AKAP13: variants seen among roughly 807,000 people sequenced by gnomAD.
AKAP13 encodes A-kinase anchor protein 13.
A neutral mutation model predicts 264.5 loss-of-function variants in AKAP13; 80 were observed. The ratio of observed to expected loss-of-function variants is 0.30; its 90% CI spans 0.25 to 0.36. AKAP13 has a LOEUF of 0.36. AKAP13 is among the 10% of genes least tolerant of loss of function. AKAP13 has a pLI of 1.00. For synonymous variants in AKAP13, 1,380 were observed against 1,250.2 expected (o/e 1.10, Z -2.19); for missense variants, 3,712 against 3,435.2 (o/e 1.08, Z -2.01).
At chr15:85,591,350 T>C (rs888672332) in intron 8 of AKAP13, among the ~76,000 whole-genome samples, 5 of 152,216 alleles carry the variant, frequency 3.3e-5, no homozygotes, top group African/African-American at 1.2e-4. Flanking sequence ...TAATGCATGC[T>C]AAAATTCTAA....
chr15:85,542,470 G>A (rs1163756604), intron 4 of AKAP13, among the ~76,000 whole-genome samples: 1 of 152,198 alleles, frequency 6.6e-6, no homozygotes, highest in Non-Finnish European at 1.5e-5. Flanking sequence ...ATTCCTTTGT[G>A]ATATTCACGT....
intron 1 of AKAP13, among the ~76,000 whole-genome samples, chr15:85,470,074 G>A (rs1250209590): frequency 6.6e-6 from 1 of 152,196 alleles, no homozygotes; most frequent in African/African-American, 2.4e-5. Flanking sequence ...GATCACCTGA[G>A]GTCAGGAGTT....
intron 8 of AKAP13, among the ~76,000 whole-genome samples, chr15:85,612,351 C>T (rs1467642269): frequency 6.6e-6 from 1 of 152,022 alleles, no homozygotes; most frequent in Admixed American, 6.5e-5. Context: ...TAAAAATTAC[C>T]TCATAATAAA....
chr15:85,393,521 T>C (rs2150812126), intron 1 of AKAP13, among the ~76,000 whole-genome samples: 1 of 152,360 alleles, frequency 6.6e-6, no homozygotes, highest in East Asian at 1.9e-4. Context: ...ATGTCCAGTC[T>C]AGAGAGGTTT....
intron 2 of AKAP13, among the ~76,000 whole-genome samples, chr15:85,516,027 C>T (rs1328037451): frequency 3.3e-5 from 5 of 152,100 alleles, no homozygotes; most frequent in Non-Finnish European, 5.9e-5. Context: ...AATCAGAAAA[C>T]TCAGAAAAGC....
intron 1 of AKAP13, among the ~76,000 whole-genome samples, chr15:85,465,416 A>G (rs1481421699): frequency 5.3e-5 from 8 of 151,080 alleles, no homozygotes; most frequent in Admixed American, 4.6e-4. Flanking sequence ...TTAGTTACAT[A>G]TGTATACATG....
At chr15:85,639,234 T>G in intron 8 of AKAP13, 140 bp from the exon 9 acceptor site, 1 of 585,254 alleles carries the variant, frequency 1.7e-6, no homozygotes, top group Non-Finnish European at 3.0e-6. Flanking sequence ...AAAAAAAATT[T>G]TTTTCCCTTG....
At chr15:85,617,526 C>T (rs970508273) in intron 8 of AKAP13, among the ~76,000 whole-genome samples, 1 of 152,182 alleles carries the variant, frequency 6.6e-6, no homozygotes, top group East Asian at 1.9e-4. Flanking sequence ...AGGCGTGAGC[C>T]ACCGCGCCCA....
At chr15:85,671,473 G>C (rs917091635) in intron 14 of AKAP13, among the ~76,000 whole-genome samples, 1 of 139,286 alleles carries the variant, frequency 7.2e-6, no homozygotes, top group Non-Finnish European at 1.6e-5. Flanking sequence ...GAGAGAGAAA[G>C]ACATAATGGG....
chr15:85,595,621 A>G (rs945891166), intron 8 of AKAP13, among the ~76,000 whole-genome samples: 15 of 152,172 alleles, frequency 9.9e-5, no homozygotes, highest in Non-Finnish European at 2.2e-4. Context: ...CCTTGGTGAG[A>G]CCCATGTTGT....
At chr15:85,512,036 A>G (rs1251631697) in intron 2 of AKAP13, among the ~76,000 whole-genome samples, 2 of 151,456 alleles carry the variant, frequency 1.3e-5, no homozygotes, top group African/African-American at 2.4e-5. Flanking sequence ...TATATACCAC[A>G]TAAGACTGTC....
chr15:85,459,266 A>G (rs1011145268), intron 1 of AKAP13, among the ~76,000 whole-genome samples: 1 of 151,262 alleles, frequency 6.6e-6, no homozygotes, highest in Admixed American at 6.6e-5. Context: ...GCTCACTGCA[A>G]CCTCTGCCTT....
chr15:85,618,069 G>T (rs2081020298), intron 8 of AKAP13, among the ~76,000 whole-genome samples: 1 of 152,206 alleles, frequency 6.6e-6, no homozygotes. Flanking sequence ...GGATGAACCA[G>T]TGAGGAATAG....
chr15:85,561,344 C>A (rs2078371061), intron 5 of AKAP13, among the ~76,000 whole-genome samples: 1 of 152,216 alleles, frequency 6.6e-6, no homozygotes, highest in Non-Finnish European at 1.5e-5. Context: ...AGGCGTGAGC[C>A]ACCATGCCCA....
At chr15:85,527,157 G>A (rs959367918) in intron 3 of AKAP13, among the ~76,000 whole-genome samples, 1 of 152,046 alleles carries the variant, frequency 6.6e-6, no homozygotes, top group Non-Finnish European at 1.5e-5. Context: ...TAGAGACGGG[G>A]TTTCACCGTG....
At chr15:85,601,189 A>G (rs1254783067) in intron 8 of AKAP13, among the ~76,000 whole-genome samples, 2 of 152,234 alleles carry the variant, frequency 1.3e-5, no homozygotes, top group Non-Finnish European at 2.9e-5. Context: ...AGAGTTACTC[A>G]TGTCAGTTTA....
intron 1 of AKAP13, among the ~76,000 whole-genome samples, chr15:85,446,328 G>A (rs1883375762): frequency 6.6e-6 from 1 of 152,174 alleles, no homozygotes; most frequent in African/African-American, 2.4e-5. Context: ...GAGACAGTGT[G>A]GAGGTAAACG....
intron 1 of AKAP13, among the ~76,000 whole-genome samples, chr15:85,400,896 A>G (rs867694002): frequency 4.1e-4 from 61 of 149,450 alleles, no homozygotes; most frequent in Middle Eastern, 3.6e-3. Context: ...TAAACAGAGT[A>G]TGTTGCTCAG....
rs1468439241 is a variant in AKAP13 at position 85,724,342 on chromosome 15, AG to A, written c.6745+1023del. Among the ~76,000 whole-genome samples, 1 of 152,216 alleles carries A rather than the reference AG, an allele frequency of 6.6e-6. No individual in the cohort carries two copies. Among genetic ancestry groups the A allele is most frequent in the East Asian group, 1.9e-4 (1 of 5,188 alleles). Reference sequence around the variant, plus strand: ...CCTTGGAAAGAGATACCTGCTCTACAGTGTGGTGAGTGCTGGAATGGAGGAG... The same window carrying A: ...CCTTGGAAAGAGATACCTGCTCTACATGTGGTGAGTGCTGGAATGGAGGAG... On this transcript the variant is annotated intron_variant, in intron 26 of 36. Transcript: ENST00000394518. The surrounding 1 kb of genome is among the most constrained non-coding windows in gnomAD (Gnocchi z 4.2).
Sources: allele counts gnomAD v4.1 joint callset (sites outside exome capture counted in the v4.1 genomes callset), GRCh38; gene constraint gnomAD v4.1.1; non-coding constraint Gnocchi (gnomAD v3.1); transcripts MANE v1.5; gene names NCBI Gene and HGNC (gene_info 2026-07-23, HGNC 2026-07-21).